The following NINJ2 variants were observed in gnomAD, a reference collection of about 807,000 sequenced individuals.
NINJ2 encodes ninjurin 2.
Under a neutral mutation model 11.7 loss-of-function variants are expected in NINJ2, and 12 were observed. That is an observed-to-expected ratio of 1.02 (90% CI 0.66 to 1.66). The LOEUF (loss-of-function observed/expected upper bound fraction) is 1.66. Ranked by LOEUF, NINJ2 falls within the 40% of genes most tolerant of loss-of-function variation. The pLI is 0.00. For missense variants in NINJ2, 187 were observed against 181.8 expected (o/e 1.03, Z -0.16); for synonymous variants, 93 against 76.8 (o/e 1.21, Z -1.10).
intron 1 of NINJ2, among the ~76,000 whole-genome samples, chr12:625,630 A>G (rs1431933052): frequency 6.6e-6 from 1 of 152,156 alleles, no homozygotes; most frequent in Non-Finnish European, 1.5e-5. Flanking sequence ...TCCGTTCTCT[A>G]TGGTCCTCAC....
At chr12:592,034 C>G (rs762764920) in intron 1 of NINJ2, among the ~76,000 whole-genome samples, 4 of 151,922 alleles carry the variant, frequency 2.6e-5, no homozygotes, top group Non-Finnish European at 5.9e-5. Context: ...AAACGCATAT[C>G]TTGTTTGCAT....
At chr12:577,430 C>CATATATATATGTGTAT (rs372597339) in intron 1 of NINJ2, among the ~76,000 whole-genome samples, 2 of 93,990 alleles carry the variant, frequency 2.1e-5, no homozygotes, top group African/African-American at 7.3e-5. Flanking sequence ...TATATATATA[C>CATATATATATGTGTAT]ATATATATAT....
rs1173813855 is a variant in NINJ2 at position 580,935 on chromosome 12, TG to T, written c.34-14758del. The stretch of plus-strand genomic sequence containing the variant: ...GTCTGTATGTTTGTGTGTGTGTGCC[TG>T]TGTGTCTGTGTGTATTCATGTGTGT... On this transcript the variant is annotated intron_variant, in intron 1 of 3. Transcript: ENST00000305108. This position sits in a 1 kb window ranked among gnomAD's most constrained non-coding sequence, Gnocchi z 4.7. 2.6e-5 allele frequency among the ~76,000 whole-genome samples: 4 copies of T among 151,864 alleles called. No homozygotes were observed. The highest frequency in any genetic ancestry group is 7.3e-5 in the African/African-American group (3 of 41,298).
Position 568,666 on chromosome 12 carries a change from T to C in NINJ2, c.34-2488A>G, listed in dbSNP as rs367778337. Reference sequence around the variant, plus strand: ...GCCATCAGCTTTCTACACGGGGCAGTTCCCTGCACCTGGGTTGTTCATTAT... The same window carrying C: ...GCCATCAGCTTTCTACACGGGGCAGCTCCCTGCACCTGGGTTGTTCATTAT... On this transcript the variant is annotated intron_variant, in intron 1 of 3. Coordinates refer to ENST00000305108, the MANE Select transcript of NINJ2 (RefSeq NM_016533.6). Among the ~76,000 whole-genome samples the C allele has an allele frequency of 2.0e-5, 3 of 152,322 alleles. No homozygotes were observed. In the East Asian group the frequency reaches 5.8e-4, roughly 29 times the overall value.
intron 1 of NINJ2, among the ~76,000 whole-genome samples, chr12:653,410 GATGTATACACATATAT>G (rs1937825054): frequency 6.6e-6 from 1 of 152,026 alleles, no homozygotes; most frequent in Non-Finnish European, 1.5e-5. Context: ...TATGTTTTAT[GATGTATACACATATAT>G]ATGTATACAT....
intron 1 of NINJ2, among the ~76,000 whole-genome samples, chr12:611,569 C>T (rs111479309): frequency 0.055 from 8,377 of 152,294 alleles, 282 homozygotes; most frequent in Non-Finnish European, 0.074. Flanking sequence ...AACTCCTGAC[C>T]TCAAGTGATC....
rs534688025 is a variant in NINJ2 at position 580,769 on chromosome 12, T to A, written c.34-14591A>T. ...ACTGCGCTGCTGACTCCCCTCCATA[T>A]GCCACGGCAGCCACAATGTGTTTTC... is the stretch of plus-strand genomic sequence containing the variant. On this transcript the variant is annotated intron_variant, in intron 1 of 3. Coordinates refer to ENST00000305108, the MANE Select transcript of NINJ2 (RefSeq NM_016533.6). This position sits in a 1 kb window ranked among gnomAD's most constrained non-coding sequence, Gnocchi z 4.7. Among the ~76,000 whole-genome samples, 1 of 152,232 alleles carries A rather than the reference T, an allele frequency of 6.6e-6. No individual in the cohort carries two copies. The highest frequency in any genetic ancestry group is 2.1e-4 in the South Asian group (1 of 4,816).
chr12:622,863 A>T (rs1444610005), intron 1 of NINJ2, among the ~76,000 whole-genome samples: 2 of 151,464 alleles, frequency 1.3e-5, no homozygotes, highest in Non-Finnish European at 2.9e-5. Flanking sequence ...GTTCACATGG[A>T]CCCCCTTGGG....
At chr12:634,061 C>CAA (rs1948314381) in intron 1 of NINJ2, among the ~76,000 whole-genome samples, 1 of 151,974 alleles carries the variant, frequency 6.6e-6, no homozygotes, top group Non-Finnish European at 1.5e-5. Flanking sequence ...TCTTCTTTAA[C>CAA]AAAACCAAAA....
At chr12:577,452 G>GTATATATATATATATATACATATATAT (rs1555161825) in intron 1 of NINJ2, among the ~76,000 whole-genome samples, 1 of 57,530 alleles carries the variant, frequency 1.7e-5, no homozygotes, top group Non-Finnish European at 4.8e-5. Flanking sequence ...TAAATATTTT[G>GTATATATATATATATATACATATATAT]GCACGATCTT....
chr12:653,170 G>A lies in NINJ2; in HGVS notation c.33+10158C>T, dbSNP rs371336809. Among the ~76,000 whole-genome samples, 35 of 151,340 alleles carry A rather than the reference G, an allele frequency of 2.3e-4. No homozygotes were observed. In the East Asian group the frequency reaches 6.4e-3, roughly 28 times the overall value. ...CGAGTAGCTGGGACTACAGGCACCC[G>A]CCACCATGCCTGGCTAATGTTTTGT... is the stretch of plus-strand genomic sequence containing the variant. On this transcript the variant is annotated intron_variant, in intron 1 of 3. Transcript: ENST00000305108.
chr12:647,375 C>T (rs1269628017), intron 1 of NINJ2, among the ~76,000 whole-genome samples: 1 of 152,198 alleles, frequency 6.6e-6, no homozygotes, highest in East Asian at 1.9e-4. Context: ...ATCATAGTGG[C>T]TGTAAATCCC....
intron 1 of NINJ2, among the ~76,000 whole-genome samples, chr12:602,787 A>G (rs933895096): frequency 6.6e-6 from 1 of 152,162 alleles, no homozygotes; most frequent in Non-Finnish European, 1.5e-5. Context: ...TTTTTTGAAA[A>G]TAACAGTCCC....
chr12:649,460 A>C (rs1275853757), intron 1 of NINJ2, among the ~76,000 whole-genome samples: 3 of 151,206 alleles, frequency 2.0e-5, no homozygotes, highest in Non-Finnish European at 4.4e-5. Flanking sequence ...CTACTTATAC[A>C]TAATAGTCAT....
At chr12:609,253 G>T (rs1357964905) in intron 1 of NINJ2, among the ~76,000 whole-genome samples, 2 of 124,084 alleles carry the variant, frequency 1.6e-5, no homozygotes, top group East Asian at 2.1e-4. Context: ...CACGCTAGGG[G>T]CTGTACGCAC....
At chr12:611,281 C>T in intron 1 of NINJ2, among the ~76,000 whole-genome samples, 1 of 147,616 alleles carries the variant, frequency 6.8e-6, no homozygotes, top group Non-Finnish European at 1.5e-5. Context: ...TTCTCTCTCT[C>T]TTTCTTTCTC....
chr12:629,896 A>AAAAAAATAT, intron 1 of NINJ2, among the ~76,000 whole-genome samples: 6 of 9,894 alleles, frequency 6.1e-4, no homozygotes, highest in African/African-American at 7.3e-4. Flanking sequence ...AAAAAAAAAA[A>AAAAAAATAT]ATATATATAT....
chr12:637,576 G>A lies in NINJ2; in HGVS notation c.33+25752C>T, dbSNP rs182767697. ...GAATCGCTTGAACCCTAGAGGCAGA[G>A]GTTGCAGTGAGCCAAGATTGTACCA... is the stretch of plus-strand genomic sequence containing the variant. On this transcript the variant is annotated intron_variant, in intron 1 of 3. Transcript: ENST00000305108. Among the ~76,000 whole-genome samples, 532 of 151,528 alleles carry A rather than the reference G, an allele frequency of 3.5e-3. 3 individuals are homozygous for A. The highest frequency in any genetic ancestry group is 0.02 in the Middle Eastern group (6 of 294).
chr12:571,134 C>G (rs1947369922), intron 1 of NINJ2, among the ~76,000 whole-genome samples: 1 of 152,232 alleles, frequency 6.6e-6, no homozygotes, highest in African/African-American at 2.4e-5. Context: ...GCTTTGGGCT[C>G]CCAGAGTCCC....
Sources: gnomAD v4.1 joint callset for allele counts (sites outside exome capture counted in the v4.1 genomes callset) on GRCh38, gnomAD v4.1.1 for gene constraint, Gnocchi (gnomAD v3.1) non-coding constraint, MANE v1.5 for transcripts, NCBI Gene and HGNC (gene_info 2026-07-23, HGNC 2026-07-21) for gene names.